The following MDGA2 variants were observed in gnomAD, a reference collection of about 807,000 sequenced individuals.
The protein encoded by MDGA2 is MAM domain containing glycosylphosphatidylinositol anchor 2, also known as MAM domain-containing glycosylphosphatidylinositol anchor protein 2.
In MDGA2, 40 loss-of-function variants were observed where a neutral mutation model predicts 117.8. That is an observed-to-expected ratio of 0.34 (90% CI 0.26 to 0.44). The LOEUF (loss-of-function observed/expected upper bound fraction) is 0.44. MDGA2 is among the 20% of genes least tolerant of loss of function. MDGA2 has a pLI of 1.00. For missense variants in MDGA2, 1,123 were observed against 1,250.6 expected (o/e 0.90, Z 1.54); for synonymous variants, 452 against 439.0 (o/e 1.03, Z -0.37).
intron 1 of MDGA2, among the ~76,000 whole-genome samples, chr14:47,497,051 C>T (rs904079211): frequency 1.3e-5 from 2 of 152,064 alleles, no homozygotes; most frequent in African/African-American, 4.8e-5. Flanking sequence ...CTCACTCACA[C>T]GCTGCTCACC....
chr14:47,168,383 C>G (rs959979786), intron 3 of MDGA2, among the ~76,000 whole-genome samples: 3 of 150,354 alleles, frequency 2.0e-5, no homozygotes, highest in Middle Eastern at 3.4e-3. Context: ...AATTTTTCAT[C>G]ATAAATTTAC....
At chr14:47,121,641 A>G (rs1881658498) in intron 5 of MDGA2, among the ~76,000 whole-genome samples, 1 of 152,084 alleles carries the variant, frequency 6.6e-6, no homozygotes, top group Non-Finnish European at 1.5e-5. Flanking sequence ...ACCATAACTA[A>G]GAGCCTACTA....
At chr14:47,634,268 T>C (rs1897286223) in intron 1 of MDGA2, among the ~76,000 whole-genome samples, 1 of 152,160 alleles carries the variant, frequency 6.6e-6, no homozygotes. Context: ...AATGCAGCCC[T>C]TAAAATTAGT....
intron 1 of MDGA2, among the ~76,000 whole-genome samples, chr14:47,436,862 A>G (rs973331374): frequency 1.3e-5 from 2 of 152,120 alleles, no homozygotes; most frequent in Non-Finnish European, 2.9e-5. Flanking sequence ...TTCTTGATAC[A>G]TGCTCACTGC....
intron 1 of MDGA2, among the ~76,000 whole-genome samples, chr14:47,590,278 A>G (rs1428407663): frequency 1.3e-5 from 2 of 151,916 alleles, no homozygotes; most frequent in Non-Finnish European, 2.9e-5. Context: ...TTAATTGTAA[A>G]AAGCAAAACA....
chr14:47,012,644 A>G lies in MDGA2; in HGVS notation c.1819+22367T>C, dbSNP rs112079047. Among the ~76,000 whole-genome samples, 516 of 152,264 alleles carry G rather than the reference A, an allele frequency of 3.4e-3. 1 individual carries two copies. Among genetic ancestry groups the G allele is most frequent in the African/African-American group, 0.012 (485 of 41,566 alleles). ...TTTAGCATAAAGTGAGTGTTCCACAAATACTGTTTTCATTGTTACTGATGT... is the reference window on the plus strand; with the variant it reads ...TTTAGCATAAAGTGAGTGTTCCACAGATACTGTTTTCATTGTTACTGATGT... On this transcript the variant is annotated intron_variant, in intron 8 of 16. Coordinates refer to ENST00000399232, the MANE Select transcript of MDGA2 (RefSeq NM_001113498.3).
intron 1 of MDGA2, among the ~76,000 whole-genome samples, chr14:47,303,408 C>G (rs1889345105): frequency 6.6e-6 from 1 of 152,094 alleles, no homozygotes; most frequent in Non-Finnish European, 1.5e-5. Flanking sequence ...CATCATGTCT[C>G]TGGACTCTGT....
At chr14:47,119,611 C>T (rs190216120) in intron 5 of MDGA2, among the ~76,000 whole-genome samples, 147 of 152,250 alleles carry the variant, frequency 9.7e-4, no homozygotes, top group African/African-American at 3.2e-3. Context: ...AAGCCACTAA[C>T]ATTACGGCTT....
intron 2 of MDGA2, among the ~76,000 whole-genome samples, chr14:47,284,321 T>C (rs1888599143): frequency 6.6e-6 from 1 of 152,120 alleles, no homozygotes; most frequent in Non-Finnish European, 1.5e-5. Context: ...TGTATTAATA[T>C]TAATATGGCT....
intron 2 of MDGA2, among the ~76,000 whole-genome samples, chr14:47,272,546 A>C (rs1888179546): frequency 6.6e-6 from 1 of 152,294 alleles, no homozygotes; most frequent in East Asian, 1.9e-4. Flanking sequence ...ACCCACTCTT[A>C]AACTCATATC....
At chr14:47,023,198 T>TAAAAAAAAAAAAAAAAAAAAA (rs71985853) in intron 8 of MDGA2, among the ~76,000 whole-genome samples, 2 of 102,854 alleles carry the variant, frequency 1.9e-5, no homozygotes, top group African/African-American at 7.9e-5. Flanking sequence ...TTCCCACTCG[T>TAAAAAAAAAAAAAAAAAAAAA]AAAAAAAAAA....
intron 2 of MDGA2, among the ~76,000 whole-genome samples, chr14:47,266,628 G>A (rs1233162689): frequency 6.6e-6 from 1 of 152,124 alleles, no homozygotes; most frequent in Non-Finnish European, 1.5e-5. Context: ...CAGCTCTTCA[G>A]GATCTGTTCC....
intron 1 of MDGA2, among the ~76,000 whole-genome samples, chr14:47,369,101 A>T: frequency 6.6e-6 from 1 of 152,146 alleles, no homozygotes; most frequent in Middle Eastern, 3.4e-3. Flanking sequence ...TTATGCCTAG[A>T]TAGATATCTA....
Position 46,920,049 on chromosome 14 carries a change from A to C in MDGA2, c.2201T>G (p.Val734Gly). The C allele has an allele frequency of 6.3e-7, 1 of 1,591,260 alleles. No homozygotes were observed. Among genetic ancestry groups the C allele is most frequent in the Non-Finnish European group, 8.5e-7 (1 of 1,171,240 alleles). The change falls in exon 10 of 17, where the codon GTG (valine) becomes GGG (glycine). Residue 734 changes from valine to glycine, a missense_variant. Transcript: ENST00000399232. ...CAACCGGTATGCAACAATCCGATCC[A>C]CTGCATCAGGATTCATCTGTGTCCA... ...LQWTQMNPDA[V>G]DRIVAYRLGI...
chr14:46,953,981 T>C (rs1885464554), intron 9 of MDGA2, among the ~76,000 whole-genome samples: 1 of 152,074 alleles, frequency 6.6e-6, no homozygotes, highest in Admixed American at 6.6e-5. Flanking sequence ...TCCTATATAA[T>C]CAAGCTGCTG....
At chr14:46,937,150 G>C (rs1464084862) in intron 9 of MDGA2, among the ~76,000 whole-genome samples, 1 of 151,838 alleles carries the variant, frequency 6.6e-6, no homozygotes, top group Non-Finnish European at 1.5e-5. Flanking sequence ...TGCCTGGAGT[G>C]AACAGTCTGA....
At chr14:47,026,567 T>C (rs1444730259) in intron 8 of MDGA2, among the ~76,000 whole-genome samples, 1 of 152,098 alleles carries the variant, frequency 6.6e-6, no homozygotes, top group Non-Finnish European at 1.5e-5. Context: ...TGATATATTA[T>C]TGTTCACCTT....
intron 2 of MDGA2, among the ~76,000 whole-genome samples, chr14:47,294,582 A>T (rs1889000616): frequency 6.6e-6 from 1 of 152,118 alleles, no homozygotes; most frequent in African/African-American, 2.4e-5. Flanking sequence ...TATTAATTTT[A>T]TAAAACACAA....
At chr14:47,630,813 T>A (rs1405288478) in intron 1 of MDGA2, among the ~76,000 whole-genome samples, 1 of 152,188 alleles carries the variant, frequency 6.6e-6, no homozygotes, top group East Asian at 1.9e-4. Flanking sequence ...ATTTCTAAGA[T>A]TCTTTTCTAT....
Sources: allele counts gnomAD v4.1 joint callset (sites outside exome capture counted in the v4.1 genomes callset), GRCh38; gene constraint gnomAD v4.1.1; transcripts MANE v1.5; gene names NCBI Gene and HGNC (gene_info 2026-07-23, HGNC 2026-07-21).